BMPR1A: variants seen among roughly 807,000 people sequenced by gnomAD.
The protein encoded by BMPR1A is bone morphogenetic protein receptor type 1A, also known as bone morphogenetic protein receptor type-1A.
BMPR1A carries 7 observed loss-of-function variants against 66.0 expected under a neutral mutation model. The observed-to-expected ratio is 0.11, with a 90% CI of 0.06 to 0.20. BMPR1A has a LOEUF of 0.20. Ranked by LOEUF, BMPR1A falls within the 10% of genes least tolerant of loss-of-function variation. BMPR1A has a pLI of 1.00. For synonymous variants in BMPR1A, 200 were observed against 229.7 expected, an observed-to-expected ratio of 0.87 and a Z score of 1.17; for missense variants, 408 against 669.1, an observed-to-expected ratio of 0.61 and a Z score of 4.31.
chr10:86,911,394 C>A (rs1269560270), intron 7 of BMPR1A, among the ~76,000 whole-genome samples: 1 of 152,064 alleles, frequency 6.6e-6, no homozygotes, highest in African/African-American at 2.4e-5. Flanking sequence ...TAATGAACGC[C>A]TACAAATCAA....
chr10:86,770,943 A>T (rs1841249032), intron 1 of BMPR1A, among the ~76,000 whole-genome samples: 1 of 152,138 alleles, frequency 6.6e-6, no homozygotes, highest in South Asian at 2.1e-4. Context: ...AGTTCCCATT[A>T]AGTTCCCACC....
At chr10:86,873,505 G>T (rs1425857081) in intron 2 of BMPR1A, among the ~76,000 whole-genome samples, 1 of 152,092 alleles carries the variant, frequency 6.6e-6, no homozygotes, top group Non-Finnish European at 1.5e-5. Flanking sequence ...TTTGGGGAGG[G>T]GTGGAGACCT....
chr10:86,883,627 C>G (rs573665821), intron 3 of BMPR1A, among the ~76,000 whole-genome samples: 44 of 149,134 alleles, frequency 3.0e-4, no homozygotes, highest in Non-Finnish European at 6.2e-4. Flanking sequence ...AAAAATTAGC[C>G]GGGCGTGGTG....
At chr10:86,789,983 C>T (rs1160356953) in intron 1 of BMPR1A, among the ~76,000 whole-genome samples, 22 of 149,460 alleles carry the variant, frequency 1.5e-4, no homozygotes, top group Admixed American at 7.4e-4. Flanking sequence ...AGCGAAACCC[C>T]GTCTCCACTA....
intron 1 of BMPR1A, among the ~76,000 whole-genome samples, chr10:86,824,105 G>GTGTGTGTGTGTGTGTGTT (rs150991310): frequency 0.054 from 7,977 of 147,314 alleles, 327 homozygotes; most frequent in Non-Finnish European, 0.07. Flanking sequence ...GTGTGTGTGT[G>GTGTGTGTGTGTGTGTGTT]TGTGTGTTTC....
In BMPR1A at chr10:86,923,412, T is replaced by C. The variant is rs758309022; in HGVS notation, c.1379T>C (p.Met460Thr). Reference sequence around the variant, plus strand: ...GAATACCAATTGCCATATTACAACATGGTACCGAGTGATCCGTCATACGAA... The same window carrying C: ...GAATACCAATTGCCATATTACAACACGGTACCGAGTGATCCGTCATACGAA... ...VEEYQLPYYN[M>T]VPSDPSYEDM... The change falls in exon 12 of 13, where the codon ATG becomes ACG. Residue 460 changes from methionine to threonine, a missense_variant. By Grantham distance (81) the Met-to-Thr change is moderately conservative (BLOSUM62 -1). Transcript: ENST00000372037. 8.1e-6 allele frequency: 13 copies of C among 1,614,070 alleles called. No homozygotes were observed. The highest frequency in any genetic ancestry group is 9.3e-6 in the Non-Finnish European group (11 of 1,180,028).
chr10:86,765,694 C>T (rs951743124), intron 1 of BMPR1A, among the ~76,000 whole-genome samples: 2 of 151,936 alleles, frequency 1.3e-5, no homozygotes, highest in African/African-American at 4.8e-5. Context: ...TACGTATTAC[C>T]ATAGAACTGT....
At chr10:86,770,811 C>A (rs1841245972) in intron 1 of BMPR1A, among the ~76,000 whole-genome samples, 2 of 152,164 alleles carry the variant, frequency 1.3e-5, no homozygotes. Flanking sequence ...TTTGACCAAC[C>A]ACAATTAGGG....
intron 2 of BMPR1A, among the ~76,000 whole-genome samples, chr10:86,861,237 A>G (rs187331751): frequency 1.4e-3 from 218 of 152,258 alleles, no homozygotes; most frequent in Non-Finnish European, 2.3e-3. Context: ...TTCATTCCCA[A>G]GGCGGGGAAC....
intron 1 of BMPR1A, among the ~76,000 whole-genome samples, chr10:86,837,247 C>CTG (rs71019433): frequency 0.18 from 25,099 of 137,556 alleles, 2,775 homozygotes; most frequent in East Asian, 0.59. Flanking sequence ...GTGTGTGTGT[C>CTG]TGTGTGTGTG....
chr10:86,850,087 G>A (rs921521000), intron 2 of BMPR1A, among the ~76,000 whole-genome samples: 12 of 152,196 alleles, frequency 7.9e-5, no homozygotes, highest in African/African-American at 2.2e-4. Context: ...TTGGAAGGCC[G>A]AGGTGGGTGG....
intron 2 of BMPR1A, among the ~76,000 whole-genome samples, chr10:86,850,761 T>C (rs920001735): frequency 2.0e-5 from 3 of 152,050 alleles, no homozygotes; most frequent in African/African-American, 7.2e-5. Context: ...CCTCCTAAAG[T>C]GCTGAGATGG....
chr10:86,870,125 CTT>C (rs1230215849), intron 2 of BMPR1A, among the ~76,000 whole-genome samples: 1 of 152,186 alleles, frequency 6.6e-6, no homozygotes, highest in African/African-American at 2.4e-5. Context: ...GCCCTCCCCT[CTT>C]TTCACTCTCT....
intron 7 of BMPR1A, 143 bp from the exon 8 acceptor site, chr10:86,912,097 C>T: frequency 2.4e-6 from 2 of 848,406 alleles, no homozygotes. Flanking sequence ...ATGTATTTAA[C>T]AGGATATATT....
intron 2 of BMPR1A, among the ~76,000 whole-genome samples, chr10:86,872,361 A>G (rs1842863966): frequency 6.6e-6 from 1 of 152,166 alleles, no homozygotes; most frequent in African/African-American, 2.4e-5. Context: ...AAAATCAGGC[A>G]GGGAAGTATA....
chr10:86,865,429 CCTCTTTG>C (rs1464823319), intron 2 of BMPR1A, among the ~76,000 whole-genome samples: 2 of 152,314 alleles, frequency 1.3e-5, no homozygotes, highest in South Asian at 2.1e-4. Context: ...GAGAACAACT[CCTCTTTG>C]ACTGTAATTT....
intron 1 of BMPR1A, among the ~76,000 whole-genome samples, chr10:86,793,536 G>A (rs1489636393): frequency 6.6e-6 from 1 of 151,886 alleles, no homozygotes; most frequent in East Asian, 1.9e-4. Context: ...GCTAATTTTT[G>A]TATTTTTAGT....
At chr10:86,874,458 T>G (rs1278278257) in intron 2 of BMPR1A, among the ~76,000 whole-genome samples, 1 of 152,178 alleles carries the variant, frequency 6.6e-6, no homozygotes, top group Admixed American at 6.5e-5. Context: ...CAGGCTGGAG[T>G]GCAGTGGCGC....
At chr10:86,864,059 A>G (rs1842747971) in intron 2 of BMPR1A, among the ~76,000 whole-genome samples, 1 of 152,294 alleles carries the variant, frequency 6.6e-6, no homozygotes, top group South Asian at 2.1e-4. Flanking sequence ...TGGAACTACA[A>G]AGGAACCATT....
Sources: allele counts gnomAD v4.1 joint callset (sites outside exome capture counted in the v4.1 genomes callset), GRCh38; gene constraint gnomAD v4.1.1; transcripts MANE v1.5; gene names NCBI Gene and HGNC (gene_info 2026-07-23, HGNC 2026-07-21).